Variants in TAB2 observed in about 807,000 individuals in gnomAD.
The protein encoded by TAB2 is TGF-beta-activated kinase 1 and MAP3K7-binding protein 2.
Under a neutral mutation model 65.0 loss-of-function variants are expected in TAB2, and 3 were observed. That is an observed-to-expected ratio of 0.05 (90% confidence interval 0.02 to 0.12). The LOEUF is 0.12. Among genes scored for constraint, TAB2 ranks in the 10% least tolerant of loss-of-function variants. TAB2 has a pLI of 1.00. For missense variants in TAB2, 623 were observed against 840.3 expected, an observed-to-expected ratio of 0.74 and a Z score of 3.20; for synonymous variants, 298 against 285.1, an observed-to-expected ratio of 1.05 and a Z score of -0.46.
chr6:149,327,782 C>T (rs758960825), intron 1 of TAB2, among the ~76,000 whole-genome samples: 15 of 152,152 alleles, frequency 9.9e-5, no homozygotes, highest in Non-Finnish European at 1.3e-4. Flanking sequence ...GAAAAATAAG[C>T]ACATGGAAAT....
chr6:149,391,504 C>T (rs1263439504), intron 3 of TAB2, among the ~76,000 whole-genome samples: 1 of 151,866 alleles, frequency 6.6e-6, no homozygotes, highest in Non-Finnish European at 1.5e-5. Context: ...TTTCTCGTTA[C>T]ATCTTCAGTA....
intron 1 of TAB2, among the ~76,000 whole-genome samples, chr6:149,243,099 T>C (rs985638351): frequency 2.6e-5 from 4 of 152,252 alleles, no homozygotes; most frequent in Non-Finnish European, 5.9e-5. Flanking sequence ...TGCTGACTCA[T>C]AGTGTAAACA....
chr6:149,296,318 C>T (rs182788773), intron 1 of TAB2, among the ~76,000 whole-genome samples: 1 of 152,320 alleles, frequency 6.6e-6, no homozygotes, highest in East Asian at 1.9e-4. Context: ...TCAAACCCCA[C>T]TCTGAGCAAG....
At chr6:149,255,020 G>A (rs1777985420) in intron 1 of TAB2, among the ~76,000 whole-genome samples, 1 of 152,206 alleles carries the variant, frequency 6.6e-6, no homozygotes. Context: ...TATTTTGCAT[G>A]GAAGAAGGAC....
At chr6:149,347,245 G>T (rs1780335854) in intron 1 of TAB2, 1 of 152,184 alleles carries the variant, frequency 6.6e-6, no homozygotes, top group South Asian at 2.1e-4. Context: ...CCTTTTAGAA[G>T]AACTTATAAC....
intron 1 of TAB2, among the ~76,000 whole-genome samples, chr6:149,259,334 T>TACACACACACACACACAC (rs61261942): frequency 2.7e-5 from 4 of 146,036 alleles, no homozygotes; most frequent in Admixed American, 1.4e-4. Flanking sequence ...ACGCTCCCTC[T>TACACACACACACACACAC]ACACACACAC....
At chr6:149,397,808 A>ATCACATGTTCAAGT in intron 4 of TAB2, 44 bp downstream of exon 4, 3 of 1,607,076 alleles carry the variant, frequency 1.9e-6, no homozygotes, top group Non-Finnish European at 2.6e-6. Context: ...TGAACATGAG[A>ATCACATGTTCAAGT]GTAGGCCATC....
intron 1 of TAB2, among the ~76,000 whole-genome samples, chr6:149,271,312 T>C (rs780470630): frequency 5.9e-5 from 9 of 152,184 alleles, no homozygotes; most frequent in Non-Finnish European, 1.0e-4. Context: ...GGGTTCCTGT[T>C]CTAGGGATGT....
chr6:149,277,766 T>A (rs545408098), intron 1 of TAB2, among the ~76,000 whole-genome samples: 2 of 152,220 alleles, frequency 1.3e-5, no homozygotes, highest in Non-Finnish European at 2.9e-5. Flanking sequence ...ATAAATGTAC[T>A]ACCATATAGT....
Position 149,409,903 on chromosome 6 carries a change from G to A in TAB2, c.*184G>A. On this transcript the variant is annotated 3_prime_UTR_variant, in exon 7 of 7. Transcript: ENST00000637181. ...ATACCTCAGTATAATGTCATGAGCA[G>A]TTGAAATTCATCACATGAAAAGTAA... is the stretch of plus-strand genomic sequence containing the variant. 2.9e-6 allele frequency: 2 copies of A among 684,084 alleles called. No homozygotes were observed. The highest frequency in any genetic ancestry group is 4.9e-6 in the Non-Finnish European group (2 of 405,044). 42.4% of individuals were successfully genotyped at this position (684,084 alleles called of 1,614,324 possible).
intron 3 of TAB2, among the ~76,000 whole-genome samples, chr6:149,391,589 T>C (rs1781987200): frequency 6.6e-6 from 1 of 152,052 alleles, no homozygotes; most frequent in Non-Finnish European, 1.5e-5. Flanking sequence ...GCCCAGGCTG[T>C]AGAGTACAGT....
intron 1 of TAB2, among the ~76,000 whole-genome samples, chr6:149,310,614 C>A (rs9498317): frequency 0.061 from 9,272 of 151,970 alleles, 915 homozygotes; most frequent in African/African-American, 0.21. Flanking sequence ...AGACTGAAGT[C>A]TTTTGTATGT....
chr6:149,378,465 A>G lies in TAB2; in HGVS notation c.550A>G (p.Asn184Asp). 1 of 1,614,198 alleles carries G rather than the reference A, an allele frequency of 6.2e-7. No homozygotes were observed. The highest frequency in any genetic ancestry group is 2.2e-5 in the East Asian group (1 of 44,894). ...FNPIMVTLAP[N>D]IQTGRNTPTS... ...TCCCATTATGGTAACTTTAGCCCCAAATATCCAGACTGGTCGTAATACTCC... is the reference window on the plus strand; with the variant it reads ...TCCCATTATGGTAACTTTAGCCCCAGATATCCAGACTGGTCGTAATACTCC... The change falls in exon 3 of 7, where the codon AAT (asparagine) becomes GAT (aspartate). Residue 184 changes from asparagine to aspartate, a missense_variant. Asn to Asp is a conservative substitution (Grantham distance 23). This residue lies in a region of TAB2 where 550 missense variants were observed against 665.7 expected (regional missense o/e 0.83). Transcript: ENST00000637181.
intron 1 of TAB2, among the ~76,000 whole-genome samples, chr6:149,294,177 T>C (rs545992724): frequency 6.6e-6 from 1 of 152,298 alleles, no homozygotes; most frequent in East Asian, 1.9e-4. Flanking sequence ...AACAGAAATG[T>C]ATTTTCTCAC....
At chr6:149,405,347 A>C (rs1323747813) in intron 6 of TAB2, among the ~76,000 whole-genome samples, 2 of 152,226 alleles carry the variant, frequency 1.3e-5, no homozygotes, top group Non-Finnish European at 2.9e-5. Flanking sequence ...ATTATGAAAA[A>C]CAGCATGCAG....
At chr6:149,270,260 ATTC>A in intron 1 of TAB2, among the ~76,000 whole-genome samples, 1 of 152,230 alleles carries the variant, frequency 6.6e-6, no homozygotes, top group Non-Finnish European at 1.5e-5. Context: ...TGTTGGTTGA[ATTC>A]TTCTGCTCAT....
intron 6 of TAB2, chr6:149,401,016 G>A (rs1782387928): frequency 4.4e-6 from 1 of 228,872 alleles, no homozygotes; most frequent in Admixed American, 5.4e-5. Context: ...TTATATTCTA[G>A]TAAGTTATTT....
chr6:149,317,377 G>C (rs1318007563), upstream of TAB2, among the ~76,000 whole-genome samples: 1 of 151,002 alleles, frequency 6.6e-6, no homozygotes, highest in Admixed American at 6.6e-5. The surrounding 1 kb of genome is among the most constrained non-coding windows in gnomAD (Gnocchi z 4.7). Context: ...TCGGGGGAGG[G>C]GTACAGGTCG....
intron 3 of TAB2, among the ~76,000 whole-genome samples, chr6:149,388,114 A>G (rs763047736): frequency 1.3e-4 from 20 of 152,216 alleles, no homozygotes; most frequent in Non-Finnish European, 2.4e-4. Context: ...GTAACAAACC[A>G]TGTCTTAAAA....
Sources: allele counts gnomAD v4.1 joint callset (sites outside exome capture counted in the v4.1 genomes callset), GRCh38; gene constraint gnomAD v4.1.1; regional missense constraint gnomAD v4.1.1; non-coding constraint Gnocchi (gnomAD v3.1); transcripts MANE v1.5; gene names NCBI Gene and HGNC (gene_info 2026-07-23, HGNC 2026-07-21).